The following PRMT8 variants were observed in gnomAD, a reference collection of about 807,000 sequenced individuals.
PRMT8 encodes the protein protein arginine methyltransferase 8, also known as protein arginine N-methyltransferase 8.
Under a neutral mutation model 47.1 loss-of-function variants are expected in PRMT8, and 7 were observed. The observed-to-expected ratio is 0.15, with a 90% CI of 0.08 to 0.28. The LOEUF (loss-of-function observed/expected upper bound fraction) is 0.28. Among genes scored for constraint, PRMT8 ranks in the 10% least tolerant of loss-of-function variants. The probability of loss-of-function intolerance (pLI) is 1.00; values close to 1 mark genes in which losing one functional copy is unlikely to be tolerated. For synonymous variants in PRMT8, 188 were observed against 186.5 expected (o/e 1.01, Z -0.07); for missense variants, 237 against 505.4 (o/e 0.47, Z 5.09).
At chr12:3,396,645 A>G (rs1293962922) in intron 1 of PRMT8, among the ~76,000 whole-genome samples, 1 of 151,322 alleles carries the variant, frequency 6.6e-6, no homozygotes, top group African/African-American at 2.4e-5. Context: ...TGCCCTTAAC[A>G]TTTTTTCCTT....
chr12:3,456,440 C>G lies in PRMT8; in HGVS notation c.48+74998C>G, dbSNP rs1378639404. Among the ~76,000 whole-genome samples the G allele has an allele frequency of 2.0e-5, 3 of 152,184 alleles. No homozygotes were observed. Among genetic ancestry groups the G allele is most frequent in the Non-Finnish European group, 2.9e-5 (2 of 68,042 alleles). ...GTTTTCGACAGAATTTCAAGGAACT[C>G]CCAGAAACTCTGAAGCCACAAGCAA... is the stretch of plus-strand genomic sequence containing the variant. On this transcript the variant is annotated intron_variant, in intron 1 of 9. Coordinates refer to the PRMT8 transcript ENST00000452611. This position sits in a 1 kb window ranked among gnomAD's most constrained non-coding sequence, Gnocchi z 4.2.
At chr12:3,434,995 G>T (rs1198229539) in intron 1 of PRMT8, among the ~76,000 whole-genome samples, 1 of 144,236 alleles carries the variant, frequency 6.9e-6, no homozygotes, top group African/African-American at 2.7e-5. Flanking sequence ...TTCAGAAGGA[G>T]TCTTGCTCTG....
intron 1 of PRMT8, among the ~76,000 whole-genome samples, chr12:3,454,799 G>A (rs928950013): frequency 1.3e-5 from 2 of 152,130 alleles, no homozygotes; most frequent in Non-Finnish European, 2.9e-5. Context: ...GAATCCCACA[G>A]ACCCCGCTAC....
intron 1 of PRMT8, among the ~76,000 whole-genome samples, chr12:3,389,193 C>T (rs1166978503): frequency 6.6e-6 from 1 of 152,078 alleles, no homozygotes; most frequent in Non-Finnish European, 1.5e-5. Context: ...ATACATTTTT[C>T]TATTAGTTTC....
intron 4 of PRMT8, among the ~76,000 whole-genome samples, chr12:3,561,887 G>A (rs865827561): frequency 1.2e-4 from 18 of 152,158 alleles, no homozygotes; most frequent in African/African-American, 2.7e-4. Flanking sequence ...TGTGGGGATC[G>A]CATAGTTGCT....
At chr12:3,586,955 G>A (rs369305956) in intron 8 of PRMT8, among the ~76,000 whole-genome samples, 8 of 152,298 alleles carry the variant, frequency 5.3e-5, no homozygotes, top group Admixed American at 2.0e-4. Flanking sequence ...GCGTGTCAGC[G>A]TGGGGGCTCT....
intron 2 of PRMT8, among the ~76,000 whole-genome samples, chr12:3,545,492 T>G (rs2137170859): frequency 1.3e-5 from 2 of 152,330 alleles, no homozygotes; most frequent in Middle Eastern, 6.8e-3. Context: ...TCTAATAAGA[T>G]CAAAGATATC....
intron 2 of PRMT8, among the ~76,000 whole-genome samples, chr12:3,547,675 A>T (rs190253800): frequency 2.8e-4 from 43 of 152,260 alleles, no homozygotes; most frequent in African/African-American, 9.6e-4. Context: ...AAAAAGATAA[A>T]TTTTTTTGAA....
chr12:3,585,345 CTTTTTTTTTTTT>C (rs71061123), intron 8 of PRMT8, among the ~76,000 whole-genome samples: 28 of 45,792 alleles, frequency 6.1e-4, no homozygotes, highest in East Asian at 1.6e-3. Flanking sequence ...GAAAATGATG[CTTTTTTTTTTTT>C]TTTTTTTTTT....
chr12:3,537,808 G>T (rs1162004432), intron 1 of PRMT8, among the ~76,000 whole-genome samples: 4 of 152,114 alleles, frequency 2.6e-5, no homozygotes, highest in African/African-American at 9.7e-5. Context: ...CAGTAGTTCA[G>T]GCTCTCATTA....
At chr12:3,386,708 TTTTTTTCTTTCTTTC>T (rs775949218) in intron 1 of PRMT8, among the ~76,000 whole-genome samples, 13 of 152,124 alleles carry the variant, frequency 8.5e-5, no homozygotes, top group Non-Finnish European at 1.8e-4. Flanking sequence ...TACCTTCTTT[TTTTTTTCTTTCTTTC>T]TTTTTTTATG....
intron 1 of PRMT8, among the ~76,000 whole-genome samples, chr12:3,396,916 T>G (rs967482543): frequency 1.3e-5 from 2 of 151,916 alleles, no homozygotes; most frequent in African/African-American, 4.8e-5. Flanking sequence ...TCATTTCTTT[T>G]TATTCTTTTT....
At chr12:3,385,578 A>C (rs1443169776) in intron 1 of PRMT8, among the ~76,000 whole-genome samples, 2 of 22,310 alleles carry the variant, frequency 9.0e-5, no homozygotes, top group East Asian at 5.5e-3. Context: ...TATTAGATCA[A>C]CACTTTATTA....
intron 1 of PRMT8, among the ~76,000 whole-genome samples, chr12:3,523,337 A>G (rs1351136337): frequency 6.6e-6 from 1 of 152,182 alleles, no homozygotes; most frequent in Non-Finnish European, 1.5e-5. Flanking sequence ...ATTAATTACC[A>G]TAAACAACCC....
chr12:3,467,855 T>A (rs577464982), intron 1 of PRMT8, among the ~76,000 whole-genome samples: 1 of 152,206 alleles, frequency 6.6e-6, no homozygotes, highest in Non-Finnish European at 1.5e-5. Context: ...AACATCAGAC[T>A]CCATTCAGCC....
At position 3,493,541 on chromosome 12, in the gene PRMT8, C is replaced by A. The variant is rs769419689; in HGVS notation, c.75+1841C>A. ...TTGCGGTTCCCTTTGCCTCCTACCC[C>A]CGCTGCCGCGCGGGGTCTGGGTGCA... On this transcript the variant is annotated intron_variant, in intron 1 of 9. Transcript: ENST00000382622. This position sits in a 1 kb window ranked among gnomAD's most constrained non-coding sequence, Gnocchi z 8.2. Among the ~76,000 whole-genome samples, 2 of 152,124 alleles carry A rather than the reference C, an allele frequency of 1.3e-5. No individual in the cohort carries two copies. The highest frequency in any genetic ancestry group is 6.5e-5 in the Admixed American group (1 of 15,286).
intron 1 of PRMT8, among the ~76,000 whole-genome samples, chr12:3,483,779 A>AT (rs1008035937): frequency 3.9e-5 from 6 of 152,260 alleles, no homozygotes; most frequent in South Asian, 2.1e-4. Flanking sequence ...TCAAAGAACA[A>AT]TTTTTTTTCA....
At chr12:3,421,428 G>A (rs1243779101) in intron 1 of PRMT8, among the ~76,000 whole-genome samples, 1 of 152,204 alleles carries the variant, frequency 6.6e-6, no homozygotes, top group Non-Finnish European at 1.5e-5. Context: ...GGGGGGTGGG[G>A]TGGTGGATCC....
intron 4 of PRMT8, among the ~76,000 whole-genome samples, chr12:3,559,044 T>C (rs1327670609): frequency 3.3e-5 from 5 of 152,116 alleles, no homozygotes; most frequent in African/African-American, 1.2e-4. Context: ...TATCTGTCCA[T>C]CCATCCAGCC....
Sources: allele counts gnomAD v4.1 joint callset (sites outside exome capture counted in the v4.1 genomes callset), GRCh38; gene constraint gnomAD v4.1.1; non-coding constraint Gnocchi (gnomAD v3.1); transcripts MANE v1.5; gene names NCBI Gene and HGNC (gene_info 2026-07-23, HGNC 2026-07-21).